The following CNTN6 variants were observed in gnomAD, a reference collection of about 807,000 sequenced individuals.
CNTN6 encodes contactin-6.
A neutral mutation model predicts 122.8 loss-of-function variants in CNTN6; 137 were observed. The ratio of observed to expected loss-of-function variants is 1.12; its 90% CI spans 0.97 to 1.29. CNTN6 has a LOEUF of 1.29. Among genes scored for constraint, CNTN6 ranks in the 50% most tolerant of loss-of-function variants. The pLI is 0.00. For synonymous variants in CNTN6, 570 were observed against 426.0 expected, an observed-to-expected ratio of 1.34 and a Z score of -4.16; for missense variants, 1,634 against 1,223.4, an observed-to-expected ratio of 1.34 and a Z score of -5.01.
At chr3:1,273,195 A>G (rs2095054129) in intron 4 of CNTN6, among the ~76,000 whole-genome samples, 1 of 152,230 alleles carries the variant, frequency 6.6e-6, no homozygotes, top group African/African-American at 2.4e-5. Flanking sequence ...AGCAACCAGC[A>G]CTGCAGGATT....
At chr3:1,195,297 T>C (rs1416295364) in intron 2 of CNTN6, among the ~76,000 whole-genome samples, 1 of 152,190 alleles carries the variant, frequency 6.6e-6, no homozygotes, top group East Asian at 1.9e-4. Flanking sequence ...TGGTGGGTCC[T>C]GCCCCCTCCT....
chr3:1,343,081 T>G (rs904361667), intron 11 of CNTN6, among the ~76,000 whole-genome samples: 4 of 152,172 alleles, frequency 2.6e-5, no homozygotes, highest in African/African-American at 9.7e-5. Context: ...ATTATGATCC[T>G]CTTCCACATA....
chr3:1,163,943 C>G (rs1253893764), intron 2 of CNTN6, among the ~76,000 whole-genome samples: 1 of 152,182 alleles, frequency 6.6e-6, no homozygotes, highest in Non-Finnish European at 1.5e-5. Context: ...CAGGGGAAAT[C>G]TGCACCAGGA....
At chr3:1,178,199 C>G (rs2093487083) in intron 2 of CNTN6, among the ~76,000 whole-genome samples, 1 of 152,156 alleles carries the variant, frequency 6.6e-6, no homozygotes, top group Non-Finnish European at 1.5e-5. Context: ...CCACGCCCGG[C>G]CTCCCCTGCA....
chr3:1,339,179 T>C (rs149619539), intron 11 of CNTN6, among the ~76,000 whole-genome samples: 2 of 152,130 alleles, frequency 1.3e-5, no homozygotes, highest in Non-Finnish European at 2.9e-5. Context: ...ATTCCACAGA[T>C]AAAATTGAAC....
At chr3:1,145,602 G>T (rs2092708101) in intron 1 of CNTN6, among the ~76,000 whole-genome samples, 1 of 151,974 alleles carries the variant, frequency 6.6e-6, no homozygotes, top group African/African-American at 2.4e-5. Flanking sequence ...CATGACAATT[G>T]GATACATGGA....
intron 19 of CNTN6, among the ~76,000 whole-genome samples, chr3:1,384,176 T>C (rs1214978419): frequency 2.0e-5 from 3 of 152,188 alleles, no homozygotes; most frequent in Non-Finnish European, 4.4e-5. Context: ...AATTATGCAT[T>C]GTACCCTTAA....
intron 4 of CNTN6, among the ~76,000 whole-genome samples, chr3:1,241,785 C>A (rs1241528513): frequency 3.3e-5 from 5 of 151,586 alleles, no homozygotes; most frequent in Non-Finnish European, 2.9e-5. Context: ...AAGGCCTCGG[C>A]GGTTTTGGAG....
intron 14 of CNTN6, 41 bp from the exon 15 acceptor site, chr3:1,373,563 A>C: frequency 6.3e-7 from 1 of 1,586,198 alleles, no homozygotes; most frequent in East Asian, 2.3e-5. Flanking sequence ...TAATGAATGT[A>C]AGTATCTCCA....
chr3:1,217,097 A>G (rs2094140216), intron 2 of CNTN6, among the ~76,000 whole-genome samples: 2 of 152,222 alleles, frequency 1.3e-5, no homozygotes, highest in African/African-American at 4.8e-5. Context: ...TGATATACAC[A>G]TTGCATCTAT....
chr3:1,152,727 A>G lies in CNTN6; in HGVS notation c.55+4664A>G, dbSNP rs193219303. ...TCCAATCTTTAAAAATTTGATAATT[A>G]TTAAAAATGTTTAATAAAGACTTGA... On this transcript the variant is annotated intron_variant, in intron 2 of 22. Coordinates refer to ENST00000446702, the MANE Select transcript of CNTN6 (RefSeq NM_001289080.2). Among the ~76,000 whole-genome samples the G allele has an allele frequency of 4.7e-3, 665 of 140,992 alleles. 3 individuals carry two copies. Among genetic ancestry groups the G allele is most frequent in the African/African-American group, 0.02 (633 of 30,996 alleles). 92.5% of individuals were successfully genotyped at this position (140,992 alleles called of 152,430 possible). A position where few individuals can be genotyped will look rare whatever the true frequency, so the allele number is the denominator to read the frequency against.
intron 5 of CNTN6, among the ~76,000 whole-genome samples, chr3:1,291,585 T>C (rs1347087641): frequency 3.3e-5 from 5 of 152,192 alleles, no homozygotes; most frequent in Non-Finnish European, 5.9e-5. Flanking sequence ...TTGCTCAAGA[T>C]TGTCTTTGTT....
chr3:1,289,365 A>C (rs1407107788), intron 5 of CNTN6, among the ~76,000 whole-genome samples: 2 of 152,174 alleles, frequency 1.3e-5, no homozygotes, highest in Non-Finnish European at 2.9e-5. Context: ...GCAGCTTTAC[A>C]TCTTCACCAA....
In CNTN6 at chr3:1,147,994, C is replaced by T. The variant is rs774568284; in HGVS notation, c.-15C>T. The T allele has an allele frequency of 8.1e-6, 13 of 1,602,116 alleles. No homozygotes were observed. The East Asian group carries it at 2.5e-4, about 30-fold the overall frequency. ...CTGATTGTATGGGAGAAATTTTTGACCTTAGAAAGTGGAAATGAGGTTGCT... is the reference window on the plus strand; with the variant it reads ...CTGATTGTATGGGAGAAATTTTTGATCTTAGAAAGTGGAAATGAGGTTGCT... On this transcript the variant is annotated 5_prime_UTR_variant, in exon 2 of 23. Transcript: ENST00000446702.
intron 2 of CNTN6, among the ~76,000 whole-genome samples, chr3:1,158,969 C>CACATATATATACATATATATATATATAT (rs1553610778): frequency 8.9e-6 from 1 of 112,968 alleles, no homozygotes; most frequent in Non-Finnish European, 1.8e-5. Flanking sequence ...CACACACACA[C>CACATATATATACATATATATATATATAT]ATATATATAT....
In CNTN6 at chr3:1,101,321, T is replaced by C. The variant is rs746362121; in HGVS notation, c.-83+8201T>C. On this transcript the variant is annotated intron_variant, in intron 1 of 22. Transcript: ENST00000446702. ...CAATCTCCTTGCCAGTCTGAGTTTC[T>C]CTCCATTTGGTGCCTCTGAGGGCTT... Among the ~76,000 whole-genome samples, 18 of 152,210 alleles carry C rather than the reference T, an allele frequency of 1.2e-4. 1 individual carries two copies. Among genetic ancestry groups the C allele is most frequent in the Non-Finnish European group, 7.3e-5 (5 of 68,032 alleles).
intron 12 of CNTN6, among the ~76,000 whole-genome samples, chr3:1,370,911 T>C (rs1708922997): frequency 6.6e-6 from 1 of 152,098 alleles, no homozygotes; most frequent in Non-Finnish European, 1.5e-5. Context: ...GAAAGTATTT[T>C]AAATAATAAA....
intron 1 of CNTN6, among the ~76,000 whole-genome samples, chr3:1,124,653 G>A (rs1372499987): frequency 1.3e-5 from 2 of 151,310 alleles, no homozygotes; most frequent in African/African-American, 4.8e-5. Flanking sequence ...ACTTATACAT[G>A]TAACAAAAAA....
intron 4 of CNTN6, among the ~76,000 whole-genome samples, chr3:1,259,343 C>T (rs1188795476): frequency 6.6e-6 from 1 of 152,084 alleles, no homozygotes. Flanking sequence ...ACCACTCTGC[C>T]ATAATGCTTT....
Sources: allele counts gnomAD v4.1 joint callset (sites outside exome capture counted in the v4.1 genomes callset), GRCh38; gene constraint gnomAD v4.1.1; transcripts MANE v1.5; gene names NCBI Gene and HGNC (gene_info 2026-07-23, HGNC 2026-07-21).